SLC11A2: variants seen among roughly 807,000 people sequenced by gnomAD.
SLC11A2 encodes solute carrier family 11 member 2, also known as natural resistance-associated macrophage protein 2.
In SLC11A2, 38 loss-of-function variants were observed where a neutral mutation model predicts 68.0. The observed-to-expected ratio is 0.56, with a 90% CI of 0.43 to 0.73. The LOEUF is 0.73. Ranked by LOEUF, SLC11A2 falls within the 30% of genes least tolerant of loss-of-function variation. The pLI, the probability that SLC11A2 is intolerant of heterozygous loss-of-function variation, is 0.00. For synonymous variants in SLC11A2, 242 were observed against 250.6 expected (o/e 0.97, Z 0.32); for missense variants, 517 against 690.5 (o/e 0.75, Z 2.82).
At chr12:51,022,294 C>T (rs1018821232) in intron 1 of SLC11A2, among the ~76,000 whole-genome samples, 1 of 151,732 alleles carries the variant, frequency 6.6e-6, no homozygotes, top group African/African-American at 2.4e-5. Context: ...ATTAGACTGG[C>T]CATGGTGGCT....
At chr12:51,004,947 CTGAG>C in intron 4 of SLC11A2, 40 bp from the exon 5 acceptor site, 1 of 1,611,040 alleles carries the variant, frequency 6.2e-7, no homozygotes, top group Non-Finnish European at 8.5e-7. Flanking sequence ...CATTGAACAA[CTGAG>C]TTTTTGTCTG....
At chr12:51,028,134 C>A, upstream of SLC11A2, 1 of 1,346,034 alleles carries the variant, frequency 7.4e-7, no homozygotes. Context: ...ACTTGTCACC[C>A]TTTCAGGTCT....
At chr12:50,972,696 C>T in the SLC11A2 span, among the ~76,000 whole-genome samples, 2 of 152,178 alleles carry the variant, frequency 1.3e-5, no homozygotes, top group Non-Finnish European at 2.9e-5. Context: ...GGCGAGGCAT[C>T]GCCTCACCCG....
At chr12:50,958,838 G>A in the SLC11A2 span, among the ~76,000 whole-genome samples, 5 of 151,328 alleles carry the variant, frequency 3.3e-5, no homozygotes, top group Non-Finnish European at 4.4e-5. Context: ...CCAACATAGC[G>A]AGACATCATC....
At chr12:50,966,184 C>T in the SLC11A2 span, among the ~76,000 whole-genome samples, 1 of 152,080 alleles carries the variant, frequency 6.6e-6, no homozygotes, top group Non-Finnish European at 1.5e-5. Context: ...TCCCATCATC[C>T]CCATTGAATT....
chr12:51,026,108 T>C (rs1944366525), intron 1 of SLC11A2: 1 of 1,097,266 alleles, frequency 9.1e-7, no homozygotes, highest in Non-Finnish European at 1.1e-6. Context: ...TGGGTCTTTC[T>C]CTGAATGGCG....
chr12:51,026,366 C>T lies in SLC11A2; in HGVS notation c.-95G>A. 7.8e-7 allele frequency: 1 copy of T among 1,281,588 alleles called. No individual in the cohort carries two copies. The highest frequency in any genetic ancestry group is 1.0e-6 in the Non-Finnish European group (1 of 984,160). 79.4% of individuals were successfully genotyped at this position (1,281,588 alleles called of 1,614,324 possible). On this transcript the variant is annotated 5_prime_UTR_variant, in exon 1 of 16. Coordinates refer to ENST00000262052, the MANE Select transcript of SLC11A2 (RefSeq NM_000617.3). ...CCCCCGCGCCCAGGGCTCCATATTC[C>T]GGGAGCCAGCGCCACGCTGGCTAAC... is the stretch of plus-strand genomic sequence containing the variant.
chr12:51,008,575 G>A lies in SLC11A2; in HGVS notation c.84C>T (p.Asn28=), dbSNP rs766231014. Residue 28 remains asparagine, a synonymous_variant, in exon 3 of 16, where the codon AAC becomes AAT. Coordinates refer to ENST00000262052, the MANE Select transcript of SLC11A2 (RefSeq NM_000617.3). The part of the protein sequence containing the change: ...HGESASLGNI[N]PAYSNPSLSQ... ...AAAGAGAGGGATTACTATAGGCAGG[G>A]TTGATGTTACCAAGACTGGCAGACT... 1.9e-6 allele frequency: 3 copies of A among 1,612,262 alleles called. No homozygotes were observed. The highest frequency in any genetic ancestry group is 2.2e-5 in the South Asian group (2 of 91,044).
the SLC11A2 span, among the ~76,000 whole-genome samples, chr12:50,968,500 C>T: frequency 1.3e-5 from 2 of 152,116 alleles, no homozygotes; most frequent in Non-Finnish European, 2.9e-5. Flanking sequence ...GATCCTCCCA[C>T]CTCAGCTTCC....
intron 5 of SLC11A2, among the ~76,000 whole-genome samples, chr12:51,004,377 G>GA (rs1189888391): frequency 4.0e-5 from 6 of 151,536 alleles, no homozygotes; most frequent in Admixed American, 2.0e-4. Context: ...GTACTAAAAA[G>GA]AAAAAAAATT....
In SLC11A2 at chr12:51,012,906, G is replaced by A. The variant is rs117642668; in HGVS notation, c.-38-2140C>T. Among the ~76,000 whole-genome samples the A allele has an allele frequency of 1.9e-3, 295 of 152,260 alleles. 1 individual carries two copies. The highest frequency in any genetic ancestry group is 3.2e-3 in the Non-Finnish European group (220 of 68,008). On this transcript the variant is annotated intron_variant, in intron 1 of 15. Transcript: ENST00000262052. ...AATGACAATAGCACCTCACCTAAAT[G>A]GGATTTAAATATTTGACCACTCAGA...
the SLC11A2 span, chr12:50,960,849 AT>A: frequency 0.14 from 86,613 of 612,990 alleles, no homozygotes; most frequent in East Asian, 0.17. Flanking sequence ...TGTGTGGCTA[AT>A]TTTTTTTTTT....
intron 1 of SLC11A2, among the ~76,000 whole-genome samples, chr12:51,016,660 T>G (rs1452593249): frequency 7.5e-6 from 1 of 134,214 alleles, no homozygotes. Flanking sequence ...CCAGCCTGGG[T>G]GGCAGGGGGA....
At chr12:50,980,263 T>C, downstream of SLC11A2, 1 of 191,230 alleles carries the variant, frequency 5.2e-6, no homozygotes, top group Non-Finnish European at 1.1e-5. Flanking sequence ...CTCACACCTG[T>C]AATCCCAGCA....
In SLC11A2 at chr12:50,994,567, G is replaced by A. The variant is rs113753625; in HGVS notation, c.1054C>T (p.Leu352=). ...AGLFPKDNST[L]AVDIYKGGVV... The stretch of plus-strand genomic sequence containing the variant: ...ACCCCTTTGTAGATGTCCACAGCCA[G>A]TGTCGAGTTATCTTTAGGAAAGAGG... The change falls in exon 11 of 16, where the codon CTG becomes TTG. Residue 352 remains leucine (L), a synonymous_variant. Transcript: ENST00000262052. The A allele has an allele frequency of 6.2e-7, 1 of 1,610,186 alleles. No individual in the cohort carries two copies. Among genetic ancestry groups the A allele is most frequent in the Non-Finnish European group, 8.5e-7 (1 of 1,176,426 alleles).
chr12:51,019,235 A>G (rs1198089418), intron 1 of SLC11A2, among the ~76,000 whole-genome samples: 5 of 152,254 alleles, frequency 3.3e-5, no homozygotes, highest in Admixed American at 3.3e-4. Context: ...TGTTTATTAG[A>G]GAATAACAAA....
At chr12:50,965,132 G>C in the SLC11A2 span, among the ~76,000 whole-genome samples, 1 of 151,786 alleles carries the variant, frequency 6.6e-6, no homozygotes, top group African/African-American at 2.4e-5. Context: ...TTTGTTTTTT[G>C]AGACAGGGTC....
chr12:50,960,098 A>T, the SLC11A2 span, among the ~76,000 whole-genome samples: 13 of 152,160 alleles, frequency 8.5e-5, no homozygotes, highest in African/African-American at 2.4e-4. Context: ...CAGTATATTC[A>T]CCCCTTGACA....
chr12:51,010,821 A>G, intron 1 of SLC11A2, 55 bp from the exon 2 acceptor site: 1 of 952,470 alleles, frequency 1.0e-6, no homozygotes, highest in Non-Finnish European at 1.7e-6. Flanking sequence ...TAACAAGTTC[A>G]GAACCAGCAG....
Sources: gnomAD v4.1 joint callset for allele counts (sites outside exome capture counted in the v4.1 genomes callset) on GRCh38, gnomAD v4.1.1 for gene constraint, MANE v1.5 for transcripts, NCBI Gene and HGNC (gene_info 2026-07-23, HGNC 2026-07-21) for gene names.